Variants in ZMAT3 observed in about 807,000 individuals in gnomAD.
ZMAT3 encodes the protein zinc finger matrin-type protein 3.
In ZMAT3, 17 loss-of-function variants were observed where a neutral mutation model predicts 32.3. That is an observed-to-expected ratio of 0.53 (90% CI 0.36 to 0.79). The LOEUF (loss-of-function observed/expected upper bound fraction) is 0.79, where lower values mean the gene tolerates loss of function less well. ZMAT3 is among the 30% of genes least tolerant of loss of function. The probability of loss-of-function intolerance (pLI) is 0.00; values close to 1 mark genes in which losing one functional copy is unlikely to be tolerated. For missense variants in ZMAT3, 329 were observed against 359.7 expected, an observed-to-expected ratio of 0.91 and a Z score of 0.69; for synonymous variants, 120 against 133.1, an observed-to-expected ratio of 0.90 and a Z score of 0.68.
chr3:179,057,336 G>C (rs975369480), intron 2 of ZMAT3, among the ~76,000 whole-genome samples: 1 of 151,544 alleles, frequency 6.6e-6, no homozygotes, highest in Non-Finnish European at 1.5e-5. Flanking sequence ...TTACAGTCCT[G>C]GACCTTAAGG....
At chr3:179,028,071 A>T (rs542454292) in intron 3 of ZMAT3, among the ~76,000 whole-genome samples, 1 of 152,234 alleles carries the variant, frequency 6.6e-6, no homozygotes, top group Non-Finnish European at 1.5e-5. Context: ...ATTTTTTAAG[A>T]GTTTAAAAAC....
At chr3:179,058,962 G>A (rs188364780) in intron 2 of ZMAT3, among the ~76,000 whole-genome samples, 2 of 152,094 alleles carry the variant, frequency 1.3e-5, no homozygotes, top group South Asian at 4.1e-4. Flanking sequence ...TACCTACCTA[G>A]TCCTCCATGC....
Position 179,017,667 on chromosome 3 carries a change from C to T in ZMAT3, c.*7350G>A, listed in dbSNP as rs1250499948. ...GATAGTTCTAGTGAAATAGCAAAAG[C>T]AGTTTTAAAAGTTTGCCATGCCATT... On this transcript the variant is annotated 3_prime_UTR_variant, in exon 6 of 6. Coordinates refer to ENST00000311417, the MANE Select transcript of ZMAT3 (RefSeq NM_022470.4). 2 of 152,172 alleles carry T rather than the reference C, an allele frequency of 1.3e-5. No individual in the cohort carries two copies. Among genetic ancestry groups the T allele is most frequent in the Non-Finnish European group, 1.5e-5 (1 of 68,014 alleles). 9.4% of individuals were successfully genotyped at this position (152,172 alleles called of 1,614,324 possible).
At chr3:179,044,106 C>A (rs188436395) in intron 2 of ZMAT3, among the ~76,000 whole-genome samples, 165 of 152,254 alleles carry the variant, frequency 1.1e-3, no homozygotes, top group Non-Finnish European at 1.6e-3. Flanking sequence ...GAAATAGGAA[C>A]GCTTTACACT....
chr3:179,017,265 C>T lies in ZMAT3; in HGVS notation c.*7752G>A, dbSNP rs1718321982. On this transcript the variant is annotated 3_prime_UTR_variant, in exon 6 of 6. Coordinates refer to ENST00000311417, the MANE Select transcript of ZMAT3 (RefSeq NM_022470.4). The stretch of plus-strand genomic sequence containing the variant: ...GAAACCGTTTTATTAAACTGGAACA[C>T]AAAATGCGTGTTATAATAATGTCAA... The T allele has an allele frequency of 6.6e-6, 1 of 152,088 alleles. No homozygotes were observed. The highest frequency in any genetic ancestry group is 6.6e-5 in the Admixed American group (1 of 15,260). 9.4% of individuals were successfully genotyped at this position (152,088 alleles called of 1,614,324 possible).
rs1219744051 is a variant in ZMAT3, at chr3:179,021,116, G to A, written c.*3901C>T. 6 of 152,094 alleles carry A rather than the reference G, an allele frequency of 3.9e-5. No homozygotes were observed. The highest frequency in any genetic ancestry group is 8.8e-5 in the Non-Finnish European group (6 of 68,010). 9.4% of individuals were successfully genotyped at this position (152,094 alleles called of 1,614,324 possible). On this transcript the variant is annotated 3_prime_UTR_variant, in exon 6 of 6. Transcript: ENST00000311417. Reference sequence around the variant, plus strand: ...GGTCAGTGAAGAAGAGTTGGAGGAGGAACTTTTTCCAAATAAATGGTATAA... The same window carrying A: ...GGTCAGTGAAGAAGAGTTGGAGGAGAAACTTTTTCCAAATAAATGGTATAA...
At chr3:179,056,302 C>T (rs565396454) in intron 2 of ZMAT3, among the ~76,000 whole-genome samples, 3 of 150,968 alleles carry the variant, frequency 2.0e-5, no homozygotes, top group East Asian at 1.9e-4. Flanking sequence ...GAGGAGCAGG[C>T]GAAACGGGAC....
intron 2 of ZMAT3, among the ~76,000 whole-genome samples, chr3:179,063,945 T>C (rs1048542738): frequency 2.0e-5 from 3 of 152,254 alleles, no homozygotes; most frequent in African/African-American, 2.4e-5. Context: ...CAGATACACA[T>C]GGGTCACTGC....
In ZMAT3 at chr3:179,025,626, G is replaced by A. The variant is rs555360656; in HGVS notation, c.659-398C>T. Among the ~76,000 whole-genome samples, 91 of 152,244 alleles carry A rather than the reference G, an allele frequency of 6.0e-4. 1 individual carries two copies. The South Asian group carries it at 0.011, about 19-fold the overall frequency. ...AAAATACTAAGAATTTTCACACTGAGATTTAATAGCAATATGTTTATCTCA... is the reference window on the plus strand; with the variant it reads ...AAAATACTAAGAATTTTCACACTGAAATTTAATAGCAATATGTTTATCTCA... On this transcript the variant is annotated intron_variant, in intron 5 of 5. Coordinates refer to ENST00000311417, the MANE Select transcript of ZMAT3 (RefSeq NM_022470.4).
Position 179,041,227 on chromosome 3 carries a change from C to A in ZMAT3, c.271-10228G>T, listed in dbSNP as rs141684185. Among the ~76,000 whole-genome samples the A allele has an allele frequency of 5.3e-5, 8 of 152,288 alleles. No homozygotes were observed. The East Asian group carries it at 1.5e-3, about 29-fold the overall frequency. ...GACTTGAACTCAGCTCTGCACCAAG[C>A]AGACCTAATAGGTATCTACAGAACT... On this transcript the variant is annotated intron_variant, in intron 2 of 5. Coordinates refer to ENST00000311417, the MANE Select transcript of ZMAT3 (RefSeq NM_022470.4).
chr3:179,027,672 C>T lies in ZMAT3; in HGVS notation c.531G>A (p.Leu177=). Residue 177 remains leucine, a synonymous_variant, in exon 4 of 6, where the codon CTG becomes CTA. Transcript: ENST00000311417. ...AGAATGAGTTACTCTGAGCTTCCGC[C>T]AGCCGCAGCCTCTTGGCATGATTCT... The part of the protein sequence containing the change: ...QGKNHAKRLR[L]AEAQSNSFSE... 1 of 1,614,166 alleles carries T rather than the reference C, an allele frequency of 6.2e-7. No homozygotes were observed.
intron 2 of ZMAT3, among the ~76,000 whole-genome samples, chr3:179,041,983 A>C (rs1031716634): frequency 1.3e-5 from 2 of 152,278 alleles, no homozygotes; most frequent in Non-Finnish European, 2.9e-5. Context: ...TAGAAAATCT[A>C]GAAGAAATGG....
chr3:179,040,074 G>A (rs1323209526), intron 2 of ZMAT3, among the ~76,000 whole-genome samples: 1 of 152,094 alleles, frequency 6.6e-6, no homozygotes, highest in Non-Finnish European at 1.5e-5. Context: ...AAGAAATATG[G>A]GACTATGTGA....
intron 2 of ZMAT3, among the ~76,000 whole-genome samples, chr3:179,031,635 C>T (rs942469940): frequency 1.3e-5 from 2 of 151,980 alleles, no homozygotes; most frequent in African/African-American, 2.4e-5. Context: ...TGGCTGGGTG[C>T]GGTGGCTCAT....
intron 2 of ZMAT3, among the ~76,000 whole-genome samples, chr3:179,052,869 T>G (rs1040092359): frequency 1.3e-5 from 2 of 152,194 alleles, no homozygotes; most frequent in African/African-American, 4.8e-5. Context: ...GGCTCACACC[T>G]GTCATCCCAG....
Position 179,021,635 on chromosome 3 carries a change from A to C in ZMAT3, c.*3382T>G, listed in dbSNP as rs1718545756. Reference sequence around the variant, plus strand: ...GACACTAACATAATTCCTGGGGAGCACAAGGTGCAAATCCTAAAGTATGTT... The same window carrying C: ...GACACTAACATAATTCCTGGGGAGCCCAAGGTGCAAATCCTAAAGTATGTT... On this transcript the variant is annotated 3_prime_UTR_variant, in exon 6 of 6. Coordinates refer to ENST00000311417, the MANE Select transcript of ZMAT3 (RefSeq NM_022470.4). The C allele has an allele frequency of 6.6e-6, 1 of 152,200 alleles. No individual in the cohort carries two copies. Among genetic ancestry groups the C allele is most frequent in the African/African-American group, 2.4e-5 (1 of 41,450 alleles). The allele number at this position is 152,200 out of a possible 1,614,324, so 9.4% of individuals were successfully genotyped here.
Position 179,060,570 on chromosome 3 carries a change from G to C in ZMAT3, c.270+6913C>G, listed in dbSNP as rs557317241. Among the ~76,000 whole-genome samples the C allele has an allele frequency of 2.6e-5, 4 of 152,104 alleles. No individual in the cohort carries two copies. The South Asian group carries it at 8.3e-4, about 32-fold the overall frequency. ...GAGACAGGAGAATCGCTTAAACACA[G>C]GAGGCAGAAGTTGCAGTGAGTTGAG... On this transcript the variant is annotated intron_variant, in intron 2 of 5. Transcript: ENST00000311417.
intron 2 of ZMAT3, among the ~76,000 whole-genome samples, chr3:179,035,638 T>G (rs1487194888): frequency 6.6e-6 from 1 of 152,134 alleles, no homozygotes; most frequent in Admixed American, 6.6e-5. Context: ...CGCTCTGTAA[T>G]GTAGACTTCT....
chr3:179,031,274 A>T (rs1020502137), intron 2 of ZMAT3, among the ~76,000 whole-genome samples: 4 of 152,004 alleles, frequency 2.6e-5, no homozygotes, highest in African/African-American at 7.2e-5. Context: ...AGAGTTCAGA[A>T]ATATCACGGT....
Sources: allele counts gnomAD v4.1 joint callset (sites outside exome capture counted in the v4.1 genomes callset), GRCh38; gene constraint gnomAD v4.1.1; transcripts MANE v1.5; gene names NCBI Gene and HGNC (gene_info 2026-07-23, HGNC 2026-07-21).